ROBO2: variants seen among roughly 807,000 people sequenced by gnomAD.
ROBO2 encodes roundabout homolog 2.
In ROBO2, 53 loss-of-function variants were observed where a neutral mutation model predicts 160.8. That is an observed-to-expected ratio of 0.33 (90% CI 0.26 to 0.41). ROBO2 has a LOEUF of 0.41. ROBO2 is among the 10% of genes least tolerant of loss of function. The probability of loss-of-function intolerance (pLI) is 1.00; values close to 1 mark genes in which losing one functional copy is unlikely to be tolerated. For synonymous variants in ROBO2, 664 were observed against 611.7 expected (o/e 1.09, Z -1.26); for missense variants, 1,577 against 1,722.4 (o/e 0.92, Z 1.49).
intron 2 of ROBO2, among the ~76,000 whole-genome samples, chr3:76,288,379 A>G (rs1413658864): frequency 6.6e-6 from 1 of 152,198 alleles, no homozygotes; most frequent in East Asian, 1.9e-4. Context: ...CAAACCTCAG[A>G]TAATGAGAAA....
At chr3:76,926,716 A>G (rs2077014387) in intron 2 of ROBO2, among the ~76,000 whole-genome samples, 1 of 152,186 alleles carries the variant, frequency 6.6e-6, no homozygotes, top group African/African-American at 2.4e-5. Context: ...CATTTTAGAA[A>G]GCTTGATTAG....
At chr3:76,760,581 C>T (rs1382220474) in intron 2 of ROBO2, among the ~76,000 whole-genome samples, 4 of 151,658 alleles carry the variant, frequency 2.6e-5, no homozygotes, top group African/African-American at 9.7e-5. Context: ...CTGTTTTCTC[C>T]TCTGATTAAA....
chr3:76,013,033 G>A (rs931612261), intron 2 of ROBO2, among the ~76,000 whole-genome samples: 1 of 146,882 alleles, frequency 6.8e-6, no homozygotes, highest in Non-Finnish European at 1.5e-5. Context: ...GGCAATTGGA[G>A]GCTGGGCACG....
chr3:76,174,795 A>C (rs1390529757), intron 2 of ROBO2, among the ~76,000 whole-genome samples: 1 of 152,074 alleles, frequency 6.6e-6, no homozygotes, highest in African/African-American at 2.4e-5. Flanking sequence ...GTCAGATAGC[A>C]TGATGCCTCC....
At chr3:76,515,261 T>G (rs1056506509) in intron 2 of ROBO2, among the ~76,000 whole-genome samples, 1 of 152,154 alleles carries the variant, frequency 6.6e-6, no homozygotes, top group East Asian at 1.9e-4. Context: ...GACTTTCTAC[T>G]GCTCAGCAAT....
intron 2 of ROBO2, among the ~76,000 whole-genome samples, chr3:76,164,311 T>C (rs566139595): frequency 5.4e-4 from 82 of 152,202 alleles, no homozygotes; most frequent in Non-Finnish European, 9.8e-4. Flanking sequence ...CAAACTCCTG[T>C]CCATGTTGAT....
intron 2 of ROBO2, among the ~76,000 whole-genome samples, chr3:77,165,139 A>G (rs905829382): frequency 2.6e-5 from 4 of 151,584 alleles, no homozygotes; most frequent in South Asian, 2.1e-4. Flanking sequence ...GGCGGGGAAA[A>G]GATTGAGAAA....
chr3:76,067,085 G>A (rs1027271086), intron 2 of ROBO2, among the ~76,000 whole-genome samples: 14 of 152,148 alleles, frequency 9.2e-5, no homozygotes, highest in Non-Finnish European at 2.1e-4. Context: ...GGAAGCCCAA[G>A]GCAATAGCTG....
intron 2 of ROBO2, among the ~76,000 whole-genome samples, chr3:76,390,763 T>G (rs920224202): frequency 6.6e-6 from 1 of 152,200 alleles, no homozygotes; most frequent in Admixed American, 6.5e-5. Context: ...GAGAAAATGT[T>G]GGTCTTGCCC....
intron 2 of ROBO2, among the ~76,000 whole-genome samples, chr3:77,330,032 T>C (rs1449726340): frequency 6.6e-6 from 1 of 152,200 alleles, no homozygotes; most frequent in African/African-American, 2.4e-5. Flanking sequence ...TTTCTACTTT[T>C]CCTTTTTTTC....
intron 2 of ROBO2, among the ~76,000 whole-genome samples, chr3:76,626,314 G>A (rs1005158775): frequency 6.6e-6 from 1 of 152,122 alleles, no homozygotes; most frequent in African/African-American, 2.4e-5. Context: ...GTGGTGTGCG[G>A]TAGAGATATA....
intron 16 of ROBO2, among the ~76,000 whole-genome samples, chr3:77,584,010 G>C (rs1245955352): frequency 1.3e-5 from 2 of 152,158 alleles, no homozygotes; most frequent in East Asian, 3.9e-4. Context: ...GAAGTTTTGC[G>C]GTGAACATGA....
intron 2 of ROBO2, among the ~76,000 whole-genome samples, chr3:76,110,766 T>C (rs775486405): frequency 6.6e-6 from 1 of 152,044 alleles, no homozygotes; most frequent in South Asian, 2.1e-4. Flanking sequence ...TATTAAGAAA[T>C]GAAGAATGAA....
At chr3:76,892,530 T>G (rs771409175) in intron 2 of ROBO2, among the ~76,000 whole-genome samples, 11 of 152,122 alleles carry the variant, frequency 7.2e-5, no homozygotes, top group Admixed American at 3.9e-4. Flanking sequence ...ACTTCCCCAC[T>G]GCCTTCAGGT....
At chr3:76,810,210 T>C (rs1265555783) in intron 2 of ROBO2, among the ~76,000 whole-genome samples, 1 of 152,054 alleles carries the variant, frequency 6.6e-6, no homozygotes, top group African/African-American at 2.4e-5. Flanking sequence ...CAGAGAAATG[T>C]ACAAATTCCT....
At chr3:76,493,266 C>G (rs1371524137) in intron 2 of ROBO2, among the ~76,000 whole-genome samples, 1 of 149,260 alleles carries the variant, frequency 6.7e-6, no homozygotes, top group Non-Finnish European at 1.5e-5. Flanking sequence ...ACTATTTTGT[C>G]TCTTTCTCTG....
chr3:77,443,618 T>C (rs2080172941), intron 2 of ROBO2, among the ~76,000 whole-genome samples: 1 of 152,002 alleles, frequency 6.6e-6, no homozygotes, highest in African/African-American at 2.4e-5. Flanking sequence ...TAGAAGAAAT[T>C]GAGAAAAATA....
chr3:76,458,266 A>G (rs925310710), intron 2 of ROBO2, among the ~76,000 whole-genome samples: 4 of 152,078 alleles, frequency 2.6e-5, no homozygotes, highest in Non-Finnish European at 5.9e-5. Flanking sequence ...CTTCCTCCAG[A>G]TACTCTAAAT....
intron 2 of ROBO2, among the ~76,000 whole-genome samples, chr3:77,310,754 G>A (rs62251213): frequency 0.055 from 8,236 of 150,924 alleles, 700 homozygotes; most frequent in African/African-American, 0.18. Context: ...GAACAACCCT[G>A]TATTATAAGA....
Sources: gnomAD v4.1 joint callset for allele counts (sites outside exome capture counted in the v4.1 genomes callset) on GRCh38, gnomAD v4.1.1 for gene constraint, MANE v1.5 for transcripts, NCBI Gene and HGNC (gene_info 2026-07-23, HGNC 2026-07-21) for gene names.